THSD4: variants seen among roughly 807,000 people sequenced by gnomAD.
THSD4 encodes the protein thrombospondin type-1 domain-containing protein 4.
In THSD4, 69 loss-of-function variants were observed where a neutral mutation model predicts 119.0. The observed-to-expected ratio is 0.58, with a 90% CI of 0.48 to 0.71. The LOEUF is 0.71. Among genes scored for constraint, THSD4 ranks in the 30% least tolerant of loss-of-function variants. THSD4 has a pLI of 0.00. For missense variants in THSD4, 1,393 were observed against 1,391.1 expected (o/e 1.00, Z -0.02); for synonymous variants, 524 against 540.4 (o/e 0.97, Z 0.42).
At chr15:71,389,097 T>C (rs2046335025) in intron 6 of THSD4, among the ~76,000 whole-genome samples, 1 of 152,188 alleles carries the variant, frequency 6.6e-6, no homozygotes. Context: ...ACTGAGTCCA[T>C]TAAACCTCTT....
chr15:71,402,772 C>T (rs2046554443), intron 6 of THSD4, among the ~76,000 whole-genome samples: 1 of 152,192 alleles, frequency 6.6e-6, no homozygotes, highest in Non-Finnish European at 1.5e-5. Context: ...GGGGGTGTGA[C>T]TGACTGGATT....
chr15:71,597,898 G>A (rs576213039), intron 7 of THSD4, among the ~76,000 whole-genome samples: 6 of 152,140 alleles, frequency 3.9e-5, no homozygotes, highest in African/African-American at 1.4e-4. Context: ...ACGCTCCCTG[G>A]AATTGCTTTT....
At chr15:71,098,858 T>C (rs545690822) in intron 1 of THSD4, among the ~76,000 whole-genome samples, 3 of 152,154 alleles carry the variant, frequency 2.0e-5, no homozygotes, top group Non-Finnish European at 4.4e-5. Flanking sequence ...ACATTAAAAA[T>C]ATATATATTT....
rs2046025200 is a variant in THSD4 at position 71,370,216 on chromosome 15, A to G, written c.1016-41471A>G. ...TGCTAGTGGTCTATCAATTTTGTTG[A>G]TCTTTTCAAAAAACCAGCTCCTGGA... On this transcript the variant is annotated intron_variant, in intron 6 of 17. Transcript: ENST00000261862. Among the ~76,000 whole-genome samples the G allele has an allele frequency of 3.3e-5, 5 of 151,846 alleles. No homozygotes were observed. In the East Asian group the frequency reaches 9.7e-4, roughly 29 times the overall value.
Position 71,358,150 on chromosome 15 carries a change from G to A in THSD4, c.1016-53537G>A, listed in dbSNP as rs190381385. ...CCTTCCCCTTCTCTGGGCTTTGAAGGGCTTAGTCACATTTGGCTGGAGAGC... is the reference window on the plus strand; with the variant it reads ...CCTTCCCCTTCTCTGGGCTTTGAAGAGCTTAGTCACATTTGGCTGGAGAGC... On this transcript the variant is annotated intron_variant, in intron 6 of 17. Transcript: ENST00000261862. Among the ~76,000 whole-genome samples, 29 of 152,288 alleles carry A rather than the reference G, an allele frequency of 1.9e-4. 1 individual carries two copies. In the East Asian group the frequency reaches 5.6e-3, roughly 29 times the overall value.
chr15:71,321,216 C>T (rs181070856), intron 6 of THSD4, among the ~76,000 whole-genome samples: 114 of 152,290 alleles, frequency 7.5e-4, no homozygotes, highest in Middle Eastern at 3.4e-3. Flanking sequence ...AGATCTTCTG[C>T]AGCTTCATGT....
chr15:71,155,416 G>A (rs536959862), intron 3 of THSD4, among the ~76,000 whole-genome samples: 102 of 152,260 alleles, frequency 6.7e-4, no homozygotes, highest in African/African-American at 2.3e-3. Flanking sequence ...ACCAGGCCCC[G>A]CCTCCAATAT....
chr15:71,411,883 A>G (rs1182622838), intron 7 of THSD4, 60 bp downstream of exon 7: 62 of 1,599,566 alleles, frequency 3.9e-5, no homozygotes, highest in South Asian at 7.8e-5. Context: ...TGCTGACTCC[A>G]TTGTTTTCCA....
At chr15:71,616,959 T>C (rs1158189100) in intron 7 of THSD4, among the ~76,000 whole-genome samples, 2 of 152,252 alleles carry the variant, frequency 1.3e-5, no homozygotes, top group Non-Finnish European at 2.9e-5. Flanking sequence ...CCCATGCCTG[T>C]AATAGGGGCT....
intron 6 of THSD4, among the ~76,000 whole-genome samples, chr15:71,356,973 A>G (rs765523556): frequency 6.6e-6 from 1 of 152,202 alleles, no homozygotes; most frequent in African/African-American, 2.4e-5. Flanking sequence ...GGCTGCGCAC[A>G]TCAAACGTGT....
At chr15:71,386,381 T>C (rs1419904277) in intron 6 of THSD4, among the ~76,000 whole-genome samples, 1 of 152,100 alleles carries the variant, frequency 6.6e-6, no homozygotes, top group African/African-American at 2.4e-5. Flanking sequence ...GGATGTACAA[T>C]TATAAAGAAA....
intron 7 of THSD4, among the ~76,000 whole-genome samples, chr15:71,454,411 TGG>T (rs559905602): frequency 9.1e-4 from 139 of 152,348 alleles, no homozygotes; most frequent in African/African-American, 3.2e-3. Context: ...AAAAGAAGGG[TGG>T]GATCATCCCT....
chr15:71,491,193 C>G (rs2047913271), intron 7 of THSD4, among the ~76,000 whole-genome samples: 1 of 152,126 alleles, frequency 6.6e-6, no homozygotes, highest in Admixed American at 6.5e-5. Flanking sequence ...TCCTCCACAC[C>G]CTTGACAACA....
At chr15:71,752,357 C>A (rs1448055859) in intron 14 of THSD4, among the ~76,000 whole-genome samples, 1 of 152,204 alleles carries the variant, frequency 6.6e-6, no homozygotes, top group African/African-American at 2.4e-5. Flanking sequence ...TAAGTTCTTG[C>A]CGAATCTAGC....
chr15:71,613,332 A>G (rs1408344313), intron 7 of THSD4, among the ~76,000 whole-genome samples: 1 of 152,152 alleles, frequency 6.6e-6, no homozygotes, highest in Non-Finnish European at 1.5e-5. Context: ...ATCATTTAAC[A>G]TTTCCCAAAC....
At chr15:71,463,770 T>G (rs2047458805) in intron 7 of THSD4, among the ~76,000 whole-genome samples, 1 of 152,200 alleles carries the variant, frequency 6.6e-6, no homozygotes, top group Non-Finnish European at 1.5e-5. Context: ...CTCCAATCTC[T>G]TAACTCCTCC....
At position 71,572,206 on chromosome 15, in the gene THSD4, C is replaced by CA. The variant is rs369237596; in HGVS notation, c.1153-88322dup. ...TTAGCTATTTATCCTCAACCCTTGCCAATTATGTGAATTTCCAGTTGGGTG... is the reference window on the plus strand; with the variant it reads ...TTAGCTATTTATCCTCAACCCTTGCCAAATTATGTGAATTTCCAGTTGGGTG... On this transcript the variant is annotated intron_variant, in intron 7 of 17. Coordinates refer to ENST00000261862, the MANE Select transcript of THSD4 (RefSeq NM_024817.3). 2.2e-3 allele frequency among the ~76,000 whole-genome samples: 333 copies of CA among 152,238 alleles called. 4 individuals carry two copies. Among genetic ancestry groups the CA allele is most frequent in the African/African-American group, 7.1e-3 (296 of 41,548 alleles).
chr15:71,382,930 A>G (rs1013484040), intron 6 of THSD4, among the ~76,000 whole-genome samples: 1 of 152,222 alleles, frequency 6.6e-6, no homozygotes, highest in African/African-American at 2.4e-5. Context: ...ATAAGTATCT[A>G]TTACTTAATG....
intron 8 of THSD4, among the ~76,000 whole-genome samples, chr15:71,720,467 G>A (rs775490517): frequency 3.3e-5 from 5 of 152,180 alleles, no homozygotes; most frequent in Admixed American, 6.5e-5. Flanking sequence ...CTTCTGTAAA[G>A]TCCCATGAAT....
Sources: allele counts gnomAD v4.1 joint callset (sites outside exome capture counted in the v4.1 genomes callset), GRCh38; gene constraint gnomAD v4.1.1; transcripts MANE v1.5; gene names NCBI Gene and HGNC (gene_info 2026-07-23, HGNC 2026-07-21).